Variants in CHMP5 observed in about 807,000 individuals in gnomAD.
CHMP5 encodes the protein charged multivesicular body protein 5, also known as SNF7 domain containing 2.
CHMP5 carries 17 observed loss-of-function variants against 33.0 expected under a neutral mutation model. The ratio of observed to expected loss-of-function variants is 0.52; its 90% CI spans 0.35 to 0.77. CHMP5 has a LOEUF of 0.77. Ranked by LOEUF, CHMP5 falls within the 30% of genes least tolerant of loss-of-function variation. The pLI is 0.01. For synonymous variants in CHMP5, 76 were observed against 90.2 expected (o/e 0.84, Z 0.89); for missense variants, 216 against 261.5 (o/e 0.83, Z 1.20).
At chr9:33,276,392 G>T in intron 5 of CHMP5, 64 bp from the exon 6 acceptor site, 2 of 853,292 alleles carry the variant, frequency 2.3e-6, no homozygotes, top group East Asian at 2.5e-5. Flanking sequence ...GAGAATGTAG[G>T]GGAAAAGGGT....
At chr9:33,267,730 C>G (rs878977235) in intron 2 of CHMP5, 123 bp from the exon 3 acceptor site, 2 of 662,820 alleles carry the variant, frequency 3.0e-6, no homozygotes, top group South Asian at 3.6e-5. Flanking sequence ...AATCCAGGAG[C>G]CATTATGCCT....
At position 33,278,240 on chromosome 9, in the gene CHMP5, T is replaced by G. The variant is rs766662134; in HGVS notation, c.609+15T>G. On this transcript the variant is annotated intron_variant, in intron 7 of 7. Coordinates refer to ENST00000223500, the MANE Select transcript of CHMP5 (RefSeq NM_016410.6). The stretch of plus-strand genomic sequence containing the variant: ...CAAAAAACAAGGTGAAAGCTTTTTC[T>G]GTTTATATTTCAATGCAAAATAGCA... 1.3e-6 allele frequency: 2 copies of G among 1,486,620 alleles called. No homozygotes were observed. The highest frequency in any genetic ancestry group is 3.5e-5 in the Admixed American group (2 of 56,656). The allele number at this position is 1,486,620 out of a possible 1,614,324, so 92.1% of individuals were successfully genotyped here. A position where few individuals can be genotyped will look rare whatever the true frequency, so the allele number is the denominator to read the frequency against.
rs1245778781 is a variant in CHMP5, at chr9:33,281,719, C to T, written c.*860C>T. 7 of 152,292 alleles carry T rather than the reference C, an allele frequency of 4.6e-5. No homozygotes were observed. The East Asian group carries it at 1.4e-3, about 29-fold the overall frequency. The allele number at this position is 152,292 out of a possible 1,614,324, so 9.4% of individuals were successfully genotyped here. ...TGAGTAGTCTATTCAACCTCTCTAA[C>T]CTTCTGTTTCCTTATTAGTAAAATC... On this transcript the variant is annotated 3_prime_UTR_variant, in exon 8 of 8. Transcript: ENST00000223500.
rs148958418 is a variant in CHMP5 at position 33,281,186 on chromosome 9, C to T, written c.*327C>T. On this transcript the variant is annotated 3_prime_UTR_variant, in exon 8 of 8. Coordinates refer to ENST00000223500, the MANE Select transcript of CHMP5 (RefSeq NM_016410.6). The stretch of plus-strand genomic sequence containing the variant: ...ATCTTAAAAGTCTATGACAGTGTAA[C>T]TCTACAGTCTCAAAATGACCTGATA... 93 of 217,492 alleles carry T rather than the reference C, an allele frequency of 4.3e-4. 1 individual carries two copies. The East Asian group carries it at 8.9e-3, about 21-fold the overall frequency. 13.5% of individuals were successfully genotyped at this position (217,492 alleles called of 1,614,324 possible).
At chr9:33,279,544 T>C (rs1197969) in intron 7 of CHMP5, among the ~76,000 whole-genome samples, 149,335 of 152,138 alleles carry the variant, frequency 0.98, 73,363 homozygotes, top group East Asian at 1. Flanking sequence ...ACTACCATAG[T>C]CCACCTTGTT....
At position 33,278,190 on chromosome 9, in the gene CHMP5, A is replaced by G. The variant is rs767921282; in HGVS notation, c.574A>G (p.Ile192Val). The change falls in exon 7 of 8, where the codon ATT (isoleucine) becomes GTT (valine). Residue 192 changes from isoleucine (I) to valine (V), a missense_variant. Physicochemically the swap from Ile to Val is conservative, Grantham distance 29 (BLOSUM62 3). Coordinates refer to ENST00000223500, the MANE Select transcript of CHMP5 (RefSeq NM_016410.6). The stretch of plus-strand genomic sequence containing the variant: ...GGATGAGGCAGCATCTGCACCTGCA[A>G]TTCCAGAAGGTGTTCCCACTGATAC... ...YLDEAASAPA[I>V]PEGVPTDTKN... The G allele has an allele frequency of 5.6e-6, 9 of 1,612,432 alleles. No homozygotes were observed. The Admixed American group carries it at 1.0e-4, about 18-fold the overall frequency.
chr9:33,268,381 T>C (rs1820754102), intron 3 of CHMP5, among the ~76,000 whole-genome samples: 1 of 152,182 alleles, frequency 6.6e-6, no homozygotes, highest in Admixed American at 6.5e-5. Flanking sequence ...AATTTAAAGA[T>C]CCTTAATTTG....
intron 2 of CHMP5, among the ~76,000 whole-genome samples, chr9:33,266,401 G>A (rs1247896737): frequency 6.6e-6 from 1 of 152,204 alleles, no homozygotes; most frequent in Non-Finnish European, 1.5e-5. Flanking sequence ...GAACCTGGGA[G>A]GCGGAGGTTG....
intron 4 of CHMP5, 116 bp from the exon 5 acceptor site, chr9:33,271,036 A>G (rs1162413423): frequency 1.2e-6 from 1 of 801,244 alleles, no homozygotes; most frequent in Non-Finnish European, 2.0e-6. Context: ...GAGCCATTGC[A>G]CTCCAGCCTG....
chr9:33,270,037 T>G (rs1379368992), intron 3 of CHMP5, among the ~76,000 whole-genome samples: 1 of 152,178 alleles, frequency 6.6e-6, no homozygotes, highest in Non-Finnish European at 1.5e-5. Flanking sequence ...TGGAAAATAG[T>G]GTTATAACTA....
intron 5 of CHMP5, among the ~76,000 whole-genome samples, chr9:33,273,523 C>T (rs1045683889): frequency 6.6e-6 from 1 of 152,064 alleles, no homozygotes; most frequent in Non-Finnish European, 1.5e-5. Flanking sequence ...CCCTTTAACT[C>T]TTTTGGTGTG....
intron 7 of CHMP5, among the ~76,000 whole-genome samples, chr9:33,280,599 G>GC (rs1394374804): frequency 6.6e-6 from 1 of 152,100 alleles, no homozygotes; most frequent in Non-Finnish European, 1.5e-5. Context: ...CTGTGGAGGA[G>GC]CCCCCTTTTG....
Position 33,271,166 on chromosome 9 carries a change from A to C in CHMP5, c.330A>C (p.Lys110Asn), listed in dbSNP as rs775581405. 6.2e-7 allele frequency: 1 copy of C among 1,613,502 alleles called. No individual in the cohort carries two copies. ...CCTTTTCTTAGGTTGATGCTATGAAACTGGGAGTAAAGGAAATGAAGAAGG... is the reference window on the plus strand; with the variant it reads ...CCTTTTCTTAGGTTGATGCTATGAACCTGGGAGTAAAGGAAATGAAGAAGG... ...KDTKTTVDAM[K>N]LGVKEMKKAY... Residue 110 changes from lysine (K) to asparagine (N), a missense_variant, in exon 5 of 8, where the codon AAA becomes AAC. By Grantham distance (94) the Lys-to-Asn change is moderately conservative. Transcript: ENST00000223500.
At chr9:33,275,121 A>C (rs1820837273) in intron 5 of CHMP5, among the ~76,000 whole-genome samples, 2 of 152,204 alleles carry the variant, frequency 1.3e-5, no homozygotes, top group Admixed American at 6.5e-5. Context: ...CAGCAAATGC[A>C]GTTTGAACTG....
chr9:33,277,050 C>T (rs980119204), intron 6 of CHMP5, among the ~76,000 whole-genome samples: 1 of 151,646 alleles, frequency 6.6e-6, no homozygotes, highest in African/African-American at 2.4e-5. Flanking sequence ...ACAAAAATTA[C>T]CCAGGCATGG....
intron 5 of CHMP5, among the ~76,000 whole-genome samples, chr9:33,272,335 T>A (rs1411741676): frequency 3.3e-5 from 5 of 150,592 alleles, no homozygotes; most frequent in African/African-American, 1.2e-4. Flanking sequence ...CCTGCCATGG[T>A]TGGTGCTCAG....
chr9:33,269,881 G>A (rs1820772753), intron 3 of CHMP5, among the ~76,000 whole-genome samples: 1 of 152,078 alleles, frequency 6.6e-6, no homozygotes, highest in African/African-American at 2.4e-5. Context: ...GCTGAGGCAG[G>A]AGAATCTCTT....
At chr9:33,269,784 G>C (rs1284588745) in intron 3 of CHMP5, among the ~76,000 whole-genome samples, 1 of 152,156 alleles carries the variant, frequency 6.6e-6, no homozygotes, top group Non-Finnish European at 1.5e-5. Context: ...AGACCAGCCT[G>C]ACCAACATGG....
intron 3 of CHMP5, among the ~76,000 whole-genome samples, chr9:33,270,013 G>A (rs1820774672): frequency 6.6e-6 from 1 of 152,132 alleles, no homozygotes; most frequent in Non-Finnish European, 1.5e-5. Context: ...AAAAGCAAAT[G>A]CTATAATGTT....
Sources: allele counts gnomAD v4.1 joint callset (sites outside exome capture counted in the v4.1 genomes callset), GRCh38; gene constraint gnomAD v4.1.1; transcripts MANE v1.5; gene names NCBI Gene and HGNC (gene_info 2026-07-23, HGNC 2026-07-21).